ZNF823: variants seen among roughly 807,000 people sequenced by gnomAD.
ZNF823 encodes the protein ZFP 36 for a zinc finger protein.
A neutral mutation model predicts 11.4 loss-of-function variants in ZNF823; 5 were observed. That is an observed-to-expected ratio of 0.44 (90% CI 0.23 to 0.92). ZNF823 has a LOEUF of 0.92. ZNF823 is among the 40% of genes least tolerant of loss of function. The probability of loss-of-function intolerance (pLI) is 0.24; values close to 1 mark genes in which losing one functional copy is unlikely to be tolerated. For synonymous variants in ZNF823, 234 were observed against 250.5 expected (o/e 0.93, Z 0.62); for missense variants, 582 against 738.5 (o/e 0.79, Z 2.46).
In ZNF823 at chr19:11,723,060, G is replaced by A. The variant is rs763819339; in HGVS notation, c.474C>T (p.Pro158=). 6.2e-6 allele frequency: 10 copies of A among 1,614,056 alleles called. No individual in the cohort carries two copies. In the Admixed American group the frequency reaches 6.7e-5, roughly 11 times the overall value. Residue 158 remains proline, a synonymous_variant, in exon 4 of 4, where the codon CCC becomes CCT. Coordinates refer to ENST00000341191, the MANE Select transcript of ZNF823 (RefSeq NM_001080493.4). ...TACAATCGAAGGGTTTCTTTCCGGTGGGGGGCCTTTCATGTGTCTGGAAGG... is the reference window on the plus strand; with the variant it reads ...TACAATCGAAGGGTTTCTTTCCGGTAGGGGGCCTTTCATGTGTCTGGAAGG... ...QHSFQTHERP[P]TGKKPFDCKE... is the part of the protein sequence containing the mutation.
At position 11,722,166 on chromosome 19, in the gene ZNF823, A is replaced by T. The variant is rs765894697; in HGVS notation, c.1368T>A (p.Ser456=). 27 of 1,614,164 alleles carry T rather than the reference A, an allele frequency of 1.7e-5. No homozygotes were observed. The Admixed American group carries it at 4.3e-4, about 26-fold the overall frequency. Residue 456 remains serine (S), a synonymous_variant, in exon 4 of 4, where the codon TCT becomes TCA. Coordinates refer to ENST00000341191, the MANE Select transcript of ZNF823 (RefSeq NM_001080493.4). The surrounding 1 kb of genome is among the most constrained non-coding windows in gnomAD (Gnocchi z 5.2). ...CQCGKAFSDL[S]SFQNHETTHT... ...GAGTTGTCTCATGATTTTGAAAGGA[A>T]GAGAGATCACTAAAGGCTTTCCCAC...
chr19:11,721,618 A>T lies in ZNF823; in HGVS notation c.*83T>A. The T allele has an allele frequency of 7.5e-7, 1 of 1,337,082 alleles. No individual in the cohort carries two copies. The allele number at this position is 1,337,082 out of a possible 1,614,324, so 82.8% of individuals were successfully genotyped here. On this transcript the variant is annotated 3_prime_UTR_variant, in exon 4 of 4. Coordinates refer to ENST00000341191, the MANE Select transcript of ZNF823 (RefSeq NM_001080493.4). ...CTACTTAAGGCTTTATCCCATGTTT[A>T]CATTCATAGGGTCTATCTCCAAAGT...
At chr19:11,733,570 AC>A (rs1178437340) in intron 1 of ZNF823, among the ~76,000 whole-genome samples, 1 of 151,816 alleles carries the variant, frequency 6.6e-6, no homozygotes, top group African/African-American at 2.4e-5. Flanking sequence ...GTGGTGGTGC[AC>A]GCTTGAAGTT....
chr19:11,736,903 T>G (rs1438979891), intron 1 of ZNF823, among the ~76,000 whole-genome samples: 1 of 152,108 alleles, frequency 6.6e-6, no homozygotes, highest in Admixed American at 6.5e-5. Context: ...GAATGGAAAC[T>G]GGGGTGGGGA....
intron 1 of ZNF823, among the ~76,000 whole-genome samples, chr19:11,727,249 G>A (rs1974807577): frequency 6.6e-6 from 1 of 151,996 alleles, no homozygotes; most frequent in African/African-American, 2.4e-5. Context: ...GGTGGCTCAC[G>A]ACTGTAATCC....
In ZNF823 at chr19:11,725,215, T is replaced by C; in HGVS notation, c.116A>G (p.Asn39Ser). 1 of 1,613,822 alleles carries C rather than the reference T, an allele frequency of 6.2e-7. No individual in the cohort carries two copies. The highest frequency in any genetic ancestry group is 8.5e-7 in the Non-Finnish European group (1 of 1,179,830). ...YRNVMQETIR[N>S]LDCIEMKWED... is the part of the protein sequence containing the mutation. ...GTCATCCTTACCTATACAGTCCAGG[T>C]TCCTAATGGTTTCCTGCATGACATT... The change falls in exon 2 of 4, where the codon AAC (asparagine) becomes AGC (serine). Residue 39 changes from asparagine to serine, a missense_variant. Physicochemically the swap from Asn to Ser is conservative, Grantham distance 46. Transcript: ENST00000341191.
chr19:11,728,087 C>G (rs1049824788), intron 1 of ZNF823, among the ~76,000 whole-genome samples: 2 of 152,074 alleles, frequency 1.3e-5, no homozygotes, highest in African/African-American at 4.8e-5. Context: ...CCGTGTTAGC[C>G]AGGATGGTCT....
intron 1 of ZNF823, among the ~76,000 whole-genome samples, chr19:11,732,182 T>TTTTTTTTTTTG (rs1568469770): frequency 1.3e-5 from 2 of 150,622 alleles, no homozygotes; most frequent in African/African-American, 2.4e-5. Context: ...TTTTTTTTTT[T>TTTTTTTTTTTG]GAGATGGAGT....
chr19:11,722,273 AT>A lies in ZNF823; in HGVS notation c.1260del (p.Gln420HisfsTer22). 1 of 1,614,050 alleles carries A rather than the reference AT, an allele frequency of 6.2e-7. No homozygotes were observed. Among genetic ancestry groups the A allele is most frequent in the South Asian group, 1.1e-5 (1 of 91,088 alleles). ...HTGEKPYQCK[Q>X]CGKAFSLAGS... ...CCGGCAAGACTGAAGGCTTTACCACATTGTTTACATTGATAGGGTTTCTCTC... is the reference window on the plus strand; with the variant it reads ...CCGGCAAGACTGAAGGCTTTACCACATGTTTACATTGATAGGGTTTCTCTC... On this transcript the variant is annotated frameshift_variant, in exon 4 of 4. Transcript: ENST00000341191. LOFTEE classifies it low-confidence loss of function (END_TRUNC). The surrounding 1 kb of genome is among the most constrained non-coding windows in gnomAD (Gnocchi z 5.2).
At chr19:11,726,181 T>C (rs903998194) in intron 1 of ZNF823, 1 of 150,740 alleles carries the variant, frequency 6.6e-6, no homozygotes, top group African/African-American at 2.4e-5. Context: ...AGGTTGGGGC[T>C]GCAGTGAGCC....
At chr19:11,727,125 A>G (rs1203042417) in intron 1 of ZNF823, among the ~76,000 whole-genome samples, 2 of 152,224 alleles carry the variant, frequency 1.3e-5, no homozygotes, top group Non-Finnish European at 2.9e-5. Context: ...ATGATTATCT[A>G]TAATATTTCC....
intron 1 of ZNF823, among the ~76,000 whole-genome samples, chr19:11,728,188 T>C (rs192449426): frequency 9.5e-4 from 145 of 152,288 alleles, no homozygotes; most frequent in Middle Eastern, 3.4e-3. Context: ...AGACTCTCTT[T>C]TCCATTTAAT....
chr19:11,736,903 T>C (rs1438979891), intron 1 of ZNF823, among the ~76,000 whole-genome samples: 1 of 152,108 alleles, frequency 6.6e-6, no homozygotes, highest in African/African-American at 2.4e-5. Flanking sequence ...GAATGGAAAC[T>C]GGGGTGGGGA....
At chr19:11,731,458 A>G (rs1378000916) in intron 1 of ZNF823, among the ~76,000 whole-genome samples, 1 of 152,226 alleles carries the variant, frequency 6.6e-6, no homozygotes, top group African/African-American at 2.4e-5. Context: ...AGTCGGTTTA[A>G]GGCTCTGACC....
At chr19:11,727,443 G>T (rs1177649001) in intron 1 of ZNF823, among the ~76,000 whole-genome samples, 1 of 151,978 alleles carries the variant, frequency 6.6e-6, no homozygotes, top group Non-Finnish European at 1.5e-5. Context: ...CTGGGAGGCG[G>T]ATACTGCAAT....
chr19:11,730,092 C>A (rs1325870586), intron 1 of ZNF823, among the ~76,000 whole-genome samples: 1 of 152,046 alleles, frequency 6.6e-6, no homozygotes, highest in Non-Finnish European at 1.5e-5. Flanking sequence ...TCATGCCCAG[C>A]TAATTTTGTA....
At chr19:11,729,185 A>C (rs1974849837) in intron 1 of ZNF823, among the ~76,000 whole-genome samples, 2 of 152,144 alleles carry the variant, frequency 1.3e-5, no homozygotes, top group East Asian at 1.9e-4. Flanking sequence ...AAAAAAAAAA[A>C]AAACAACAAA....
chr19:11,727,444 A>G (rs1974811832), intron 1 of ZNF823, among the ~76,000 whole-genome samples: 1 of 152,092 alleles, frequency 6.6e-6, no homozygotes, highest in Admixed American at 6.5e-5. Context: ...TGGGAGGCGG[A>G]TACTGCAATG....
intron 1 of ZNF823, among the ~76,000 whole-genome samples, chr19:11,727,024 A>G (rs1974803571): frequency 6.6e-6 from 1 of 152,228 alleles, no homozygotes; most frequent in Non-Finnish European, 1.5e-5. Flanking sequence ...CAATGGAAAA[A>G]TTACACATTT....
Sources: gnomAD v4.1 joint callset for allele counts (sites outside exome capture counted in the v4.1 genomes callset) on GRCh38, gnomAD v4.1.1 for gene constraint, Gnocchi (gnomAD v3.1) non-coding constraint, MANE v1.5 for transcripts, NCBI Gene and HGNC (gene_info 2026-07-23, HGNC 2026-07-21) for gene names.